The following PRKG1 variants were observed in gnomAD, a reference collection of about 807,000 sequenced individuals.
PRKG1 encodes the protein protein kinase cGMP-dependent 1.
Under a neutral mutation model 88.1 loss-of-function variants are expected in PRKG1, and 35 were observed. The observed-to-expected ratio is 0.40, with a 90% CI of 0.30 to 0.53. PRKG1 has a LOEUF of 0.53. PRKG1 is among the 20% of genes least tolerant of loss of function. The pLI is 0.59. For missense variants in PRKG1, 540 were observed against 839.8 expected, an observed-to-expected ratio of 0.64 and a Z score of 4.41; for synonymous variants, 303 against 292.5, an observed-to-expected ratio of 1.04 and a Z score of -0.37.
intron 3 of PRKG1, among the ~76,000 whole-genome samples, chr10:51,489,212 A>G (rs1840637128): frequency 6.6e-6 from 1 of 152,202 alleles, no homozygotes; most frequent in Admixed American, 6.5e-5. Context: ...AGGGTACAAT[A>G]GAAAAGAAGA....
At chr10:51,626,242 C>T (rs1362921479) in intron 3 of PRKG1, among the ~76,000 whole-genome samples, 1 of 152,134 alleles carries the variant, frequency 6.6e-6, no homozygotes, top group Non-Finnish European at 1.5e-5. Flanking sequence ...GATATTCACT[C>T]ATTTTTCAAT....
chr10:51,379,370 C>T (rs913989094), intron 2 of PRKG1, among the ~76,000 whole-genome samples: 3 of 152,076 alleles, frequency 2.0e-5, no homozygotes, highest in Non-Finnish European at 4.4e-5. Flanking sequence ...CTCACAGTTA[C>T]CTGTAAAGTT....
chr10:52,221,506 TA>T (rs1330096364), intron 9 of PRKG1, among the ~76,000 whole-genome samples: 8 of 152,170 alleles, frequency 5.3e-5, no homozygotes, highest in African/African-American at 1.7e-4. Flanking sequence ...TCATGGTACT[TA>T]ATTTTTTGCA....
rs190486248 is a variant in PRKG1, at chr10:51,007,180, C to G, written c.266+15536C>G. On this transcript the variant is annotated intron_variant, in intron 1 of 17. Coordinates refer to the PRKG1 transcript ENST00000401604. ...CAGGCTGGTCTTGAACTCCTGACCTCGTGATCCACCCACTTCGGCCTCCTA... is the reference window on the plus strand; with the variant it reads ...CAGGCTGGTCTTGAACTCCTGACCTGGTGATCCACCCACTTCGGCCTCCTA... Among the ~76,000 whole-genome samples the G allele has an allele frequency of 6.6e-5, 10 of 152,044 alleles. No individual in the cohort carries two copies. The East Asian group carries it at 1.7e-3, about 27-fold the overall frequency.
intron 2 of PRKG1, among the ~76,000 whole-genome samples, chr10:51,394,541 A>T (rs1366275818): frequency 6.6e-6 from 1 of 152,210 alleles, no homozygotes; most frequent in African/African-American, 2.4e-5. Flanking sequence ...AGGGGAATAA[A>T]CTCCAACTCC....
intron 5 of PRKG1, among the ~76,000 whole-genome samples, chr10:52,046,504 G>C (rs553376693): frequency 6.6e-6 from 1 of 152,096 alleles, no homozygotes; most frequent in African/African-American, 2.4e-5. Flanking sequence ...ACAATTTATA[G>C]GTATATCATG....
At chr10:51,266,247 G>T (rs1469012480) in intron 2 of PRKG1, among the ~76,000 whole-genome samples, 2 of 152,138 alleles carry the variant, frequency 1.3e-5, no homozygotes, top group Non-Finnish European at 2.9e-5. Context: ...GCCATTAAAG[G>T]CTGGTGATCA....
intron 13 of PRKG1, 130 bp from the exon 14 acceptor site, chr10:52,282,023 T>G: frequency 9.9e-7 from 1 of 1,006,016 alleles, no homozygotes; most frequent in Non-Finnish European, 1.4e-6. Flanking sequence ...ACTATTCTTT[T>G]TGGAAGACAG....
chr10:51,874,381 G>C (rs888350944), intron 4 of PRKG1, among the ~76,000 whole-genome samples: 10 of 152,190 alleles, frequency 6.6e-5, no homozygotes, highest in Non-Finnish European at 1.2e-4. Context: ...TTATACAAGA[G>C]AGCATGAAAG....
At chr10:51,091,608 G>A (rs76067986) in intron 1 of PRKG1, among the ~76,000 whole-genome samples, 1,651 of 152,232 alleles carry the variant, frequency 0.011, 34 homozygotes, top group African/African-American at 0.038. Context: ...ATTACTGTGA[G>A]AAAAGCTCAA....
chr10:51,527,178 T>C (rs1445421486), intron 3 of PRKG1, among the ~76,000 whole-genome samples: 1 of 152,150 alleles, frequency 6.6e-6, no homozygotes, highest in African/African-American at 2.4e-5. Flanking sequence ...AACATATGAC[T>C]TTATAAAGAC....
intron 2 of PRKG1, among the ~76,000 whole-genome samples, chr10:51,458,515 C>T (rs1283362741): frequency 2.0e-5 from 3 of 151,822 alleles, no homozygotes; most frequent in Admixed American, 2.0e-4. Context: ...CAGAAAGCTT[C>T]ATCACACACA....
At chr10:51,732,676 T>C (rs939152013) in intron 3 of PRKG1, among the ~76,000 whole-genome samples, 5 of 152,122 alleles carry the variant, frequency 3.3e-5, no homozygotes. Flanking sequence ...TTCTGTTGAG[T>C]GGTGCTGAAA....
At chr10:52,188,197 T>TGG (rs551791580) in intron 9 of PRKG1, among the ~76,000 whole-genome samples, 211 of 127,356 alleles carry the variant, frequency 1.7e-3, no homozygotes, top group African/African-American at 5.5e-3. Flanking sequence ...TGTATGTGTG[T>TGG]GTGTATATAT....
chr10:51,510,906 C>G lies in PRKG1; in HGVS notation c.592+43070C>G, dbSNP rs527532377. Among the ~76,000 whole-genome samples, 36 of 137,434 alleles carry G rather than the reference C, an allele frequency of 2.6e-4. 2 individuals are homozygous for G. In the Middle Eastern group the frequency reaches 0.026, roughly 98 times the overall value. The allele number at this position is 137,434 out of a possible 152,430, so 90.2% of individuals were successfully genotyped here. On this transcript the variant is annotated intron_variant, in intron 3 of 17. Transcript: ENST00000373980. ...CTACAGGCGCCCACCACCACACCAG[C>G]TTATTTTTTTTTTTTTTTGTATTTT...
chr10:52,012,467 C>G (rs1844914508), intron 5 of PRKG1, among the ~76,000 whole-genome samples: 1 of 152,140 alleles, frequency 6.6e-6, no homozygotes, highest in Admixed American at 6.5e-5. Flanking sequence ...TGGTCTCGAT[C>G]TCCTGACCTC....
chr10:51,081,942 A>G (rs1356709873), intron 1 of PRKG1, among the ~76,000 whole-genome samples: 1 of 152,158 alleles, frequency 6.6e-6, no homozygotes, highest in Non-Finnish European at 1.5e-5. Flanking sequence ...TTTTTTCTGT[A>G]GAGACAGGGT....
At chr10:51,189,650 A>G (rs1031149190) in intron 2 of PRKG1, among the ~76,000 whole-genome samples, 4 of 151,956 alleles carry the variant, frequency 2.6e-5, no homozygotes, top group African/African-American at 9.7e-5. Context: ...CCTATTAAAC[A>G]CATGGCCCCA....
chr10:52,253,097 C>T (rs1037933633), intron 10 of PRKG1, among the ~76,000 whole-genome samples: 4 of 151,812 alleles, frequency 2.6e-5, no homozygotes, highest in East Asian at 1.9e-4. Context: ...TATATAGTTG[C>T]GTATTTCTAA....
Sources: gnomAD v4.1 joint callset for allele counts (sites outside exome capture counted in the v4.1 genomes callset) on GRCh38, gnomAD v4.1.1 for gene constraint, MANE v1.5 for transcripts, NCBI Gene and HGNC (gene_info 2026-07-23, HGNC 2026-07-21) for gene names.